The following PTPRD variants were observed in gnomAD, a reference collection of about 807,000 sequenced individuals.
PTPRD encodes the protein protein tyrosine phosphatase receptor type D, also known as receptor-type tyrosine-protein phosphatase delta.
A neutral mutation model predicts 214.5 loss-of-function variants in PTPRD; 34 were observed. The observed-to-expected ratio is 0.16, with a 90% confidence interval of 0.12 to 0.21. The LOEUF (loss-of-function observed/expected upper bound fraction) is 0.21. Among genes scored for constraint, PTPRD ranks in the 10% least tolerant of loss-of-function variants. The probability of loss-of-function intolerance (pLI) is 1.00; values close to 1 mark genes in which losing one functional copy is unlikely to be tolerated. For missense variants in PTPRD, 2,545 were observed against 2,398.7 expected, an observed-to-expected ratio of 1.06 and a Z score of -1.27; for synonymous variants, 1,128 against 845.7, an observed-to-expected ratio of 1.33 and a Z score of -5.79.
chr9:10,359,744 G>C (rs369960325), intron 2 of PTPRD, among the ~76,000 whole-genome samples: 1 of 152,066 alleles, frequency 6.6e-6, no homozygotes, highest in East Asian at 1.9e-4. Flanking sequence ...TAAGTAATTT[G>C]CATAAATTAT....
chr9:8,775,700 C>G (rs1258152601), intron 11 of PTPRD, among the ~76,000 whole-genome samples: 1 of 152,078 alleles, frequency 6.6e-6, no homozygotes, highest in African/African-American at 2.4e-5. Flanking sequence ...ATCCAATAAC[C>G]TGGCTGGGCA....
chr9:8,981,220 C>T (rs2154340422), intron 11 of PTPRD, among the ~76,000 whole-genome samples: 1 of 151,514 alleles, frequency 6.6e-6, no homozygotes, highest in South Asian at 2.1e-4. Context: ...AAGAGCTCAG[C>T]ATAGAGATTA....
intron 2 of PTPRD, among the ~76,000 whole-genome samples, chr9:10,468,146 AC>A (rs1303184948): frequency 1.3e-5 from 2 of 152,316 alleles, no homozygotes; most frequent in East Asian, 3.9e-4. Flanking sequence ...CCATCCTGTT[AC>A]TGGGTATATA....
chr9:9,904,615 T>C (rs547709680), intron 5 of PTPRD, among the ~76,000 whole-genome samples: 1 of 152,108 alleles, frequency 6.6e-6, no homozygotes, highest in East Asian at 1.9e-4. Context: ...AAAAATATCC[T>C]GTCTCAAAAG....
intron 5 of PTPRD, among the ~76,000 whole-genome samples, chr9:9,934,321 A>G (rs962231905): frequency 2.0e-5 from 3 of 151,204 alleles, no homozygotes; most frequent in Non-Finnish European, 4.4e-5. Context: ...AACAAAATAG[A>G]CTGCTAGCAA....
intron 9 of PTPRD, among the ~76,000 whole-genome samples, chr9:9,192,443 T>C (rs1363470815): frequency 6.6e-6 from 1 of 152,076 alleles, no homozygotes; most frequent in Non-Finnish European, 1.5e-5. Flanking sequence ...TTCTCATAGG[T>C]GATTATAATT....
At chr9:9,017,804 C>T (rs570213992) in intron 11 of PTPRD, among the ~76,000 whole-genome samples, 53 of 152,142 alleles carry the variant, frequency 3.5e-4, no homozygotes, top group Admixed American at 2.2e-3. Context: ...GTTTAAATTA[C>T]GTAAATTGTC....
rs575750217 is a variant in PTPRD at position 8,697,563 on chromosome 9, C to T, written c.64+36217G>A. Among the ~76,000 whole-genome samples, 449 of 151,430 alleles carry T rather than the reference C, an allele frequency of 3.0e-3. 1 individual carries two copies. Among genetic ancestry groups the T allele is most frequent in the African/African-American group, 0.011 (434 of 41,296 alleles). ...TCAGCCTCCTGAGTAGCTGGACTTACAGGTGCCCGCCACCACACCCGGCTA... is the reference window on the plus strand; with the variant it reads ...TCAGCCTCCTGAGTAGCTGGACTTATAGGTGCCCGCCACCACACCCGGCTA... On this transcript the variant is annotated intron_variant, in intron 12 of 45. Transcript: ENST00000381196.
chr9:9,383,100 T>C (rs932774108), intron 9 of PTPRD, among the ~76,000 whole-genome samples: 1 of 152,072 alleles, frequency 6.6e-6, no homozygotes, highest in Non-Finnish European at 1.5e-5. Context: ...TTGGGAATTA[T>C]ATTTTTAGAT....
At chr9:9,617,025 C>G (rs1449582325) in intron 7 of PTPRD, among the ~76,000 whole-genome samples, 1 of 152,138 alleles carries the variant, frequency 6.6e-6, no homozygotes, top group Non-Finnish European at 1.5e-5. Flanking sequence ...CTCAAGTGAC[C>G]TCCCAGAATG....
chr9:10,512,135 T>A (rs892384228), intron 2 of PTPRD, among the ~76,000 whole-genome samples: 1 of 149,450 alleles, frequency 6.7e-6, no homozygotes, highest in Admixed American at 6.7e-5. Context: ...GATCAGGCTA[T>A]AGATGGCATG....
At chr9:9,813,074 G>T (rs149246492) in intron 5 of PTPRD, among the ~76,000 whole-genome samples, 1 of 151,732 alleles carries the variant, frequency 6.6e-6, no homozygotes, top group Non-Finnish European at 1.5e-5. Context: ...GGCCAAAGAA[G>T]AAATCAAAAA....
At chr9:10,361,206 T>C (rs993581073) in intron 2 of PTPRD, among the ~76,000 whole-genome samples, 2 of 152,164 alleles carry the variant, frequency 1.3e-5, no homozygotes, top group Non-Finnish European at 1.5e-5. Context: ...AATTTCTATA[T>C]TGTATGGCTT....
At chr9:9,119,569 G>C (rs572270533) in intron 10 of PTPRD, among the ~76,000 whole-genome samples, 31 of 151,462 alleles carry the variant, frequency 2.0e-4, no homozygotes, top group African/African-American at 5.8e-4. Context: ...TCAGTCTGTA[G>C]CCCAAGCTGG....
intron 8 of PTPRD, among the ~76,000 whole-genome samples, chr9:9,516,377 C>T (rs1416107764): frequency 2.0e-5 from 3 of 152,016 alleles, no homozygotes; most frequent in Non-Finnish European, 2.9e-5. Context: ...ACAGCCTCTA[C>T]GTTGTGTGAA....
chr9:9,455,207 G>A (rs1445437899), intron 8 of PTPRD, among the ~76,000 whole-genome samples: 1 of 151,210 alleles, frequency 6.6e-6, no homozygotes, highest in African/African-American at 2.4e-5. Context: ...CTCTTTTTTT[G>A]TTTAACAGAT....
intron 9 of PTPRD, among the ~76,000 whole-genome samples, chr9:9,239,241 A>G (rs1335367331): frequency 6.6e-6 from 1 of 151,966 alleles, no homozygotes; most frequent in Non-Finnish European, 1.5e-5. Flanking sequence ...AAGGAAAAGT[A>G]GAAACTAACT....
At chr9:9,701,341 TA>T (rs932128036) in intron 7 of PTPRD, among the ~76,000 whole-genome samples, 2 of 152,060 alleles carry the variant, frequency 1.3e-5, no homozygotes, top group African/African-American at 2.4e-5. Flanking sequence ...GTTTGCATTA[TA>T]AAAAAAAGTT....
rs374521724 is a variant in PTPRD at position 9,313,959 on chromosome 9, A to G, written c.-203+83490T>C. Among the ~76,000 whole-genome samples the G allele has an allele frequency of 5.3e-5, 8 of 152,264 alleles. No individual in the cohort carries two copies. In the South Asian group the frequency reaches 1.7e-3, roughly 32 times the overall value. ...GTCTGTGGATTCTTTCCATGTGCTCAGTATATTTTAATGTTCAAAATCTAG... is the reference window on the plus strand; with the variant it reads ...GTCTGTGGATTCTTTCCATGTGCTCGGTATATTTTAATGTTCAAAATCTAG... On this transcript the variant is annotated intron_variant, in intron 9 of 45. Coordinates refer to ENST00000381196, the MANE Select transcript of PTPRD (RefSeq NM_002839.4).
Sources: allele counts gnomAD v4.1 joint callset (sites outside exome capture counted in the v4.1 genomes callset), GRCh38; gene constraint gnomAD v4.1.1; transcripts MANE v1.5; gene names NCBI Gene and HGNC (gene_info 2026-07-23, HGNC 2026-07-21).